The following PCDHA7 variants were observed in gnomAD, a reference collection of about 807,000 sequenced individuals.
The protein encoded by PCDHA7 is protocadherin alpha 7, also known as protocadherin alpha-7.
Under a neutral mutation model 57.2 loss-of-function variants are expected in PCDHA7, and 37 were observed. The ratio of observed to expected loss-of-function variants is 0.65; its 90% CI spans 0.50 to 0.85. The LOEUF is 0.85. Ranked by LOEUF, PCDHA7 falls within the 40% of genes least tolerant of loss-of-function variation. The pLI is 0.00. For synonymous variants in PCDHA7, 553 were observed against 558.8 expected (o/e 0.99, Z 0.15); for missense variants, 1,188 against 1,241.8 (o/e 0.96, Z 0.65).
At chr5:140,869,721 G>A (rs1554163371) in intron 1 of PCDHA7, 2 of 1,613,340 alleles carry the variant, frequency 1.2e-6, no homozygotes, top group Non-Finnish European at 1.7e-6. Flanking sequence ...AGAAAACTCC[G>A]GAACTTAATT....
chr5:140,912,395 T>C (rs782718158), intron 1 of PCDHA7, among the ~76,000 whole-genome samples: 10 of 152,138 alleles, frequency 6.6e-5, no homozygotes, highest in Non-Finnish European at 1.5e-4. Flanking sequence ...CTTAATTTGA[T>C]TCTCAGCTTG....
chr5:140,862,602 C>T (rs2047444114), intron 1 of PCDHA7: 2 of 514,424 alleles, frequency 3.9e-6, no homozygotes, highest in South Asian at 3.0e-5. Flanking sequence ...ACATGGTGTT[C>T]GTGAAAGGTA....
At chr5:140,875,346 T>A in intron 1 of PCDHA7, 1 of 1,443,436 alleles carries the variant, frequency 6.9e-7, no homozygotes, top group Non-Finnish European at 9.1e-7. Flanking sequence ...GACTCCATAA[T>A]GACTGTGATG....
At chr5:140,985,127 C>T (rs986497777) in intron 3 of PCDHA7, among the ~76,000 whole-genome samples, 7 of 152,152 alleles carry the variant, frequency 4.6e-5, no homozygotes, top group Non-Finnish European at 1.0e-4. Flanking sequence ...TTAGTAAAGA[C>T]GGGGTTTCAC....
At chr5:140,974,804 A>G (rs2096641388) in intron 1 of PCDHA7, among the ~76,000 whole-genome samples, 1 of 152,204 alleles carries the variant, frequency 6.6e-6, no homozygotes, top group Non-Finnish European at 1.5e-5. Context: ...TTGATATACT[A>G]GAAGACCAAT....
intron 1 of PCDHA7, among the ~76,000 whole-genome samples, chr5:140,901,034 T>C (rs573919271): frequency 6.6e-6 from 1 of 152,240 alleles, no homozygotes; most frequent in Non-Finnish European, 1.5e-5. Context: ...TCAACTCTTT[T>C]GCCCATTTTA....
intron 1 of PCDHA7, chr5:140,877,392 G>A: frequency 1.2e-6 from 2 of 1,613,970 alleles, no homozygotes; most frequent in Non-Finnish European, 1.7e-6. Flanking sequence ...TGGATGAGGC[G>A]GACGCTCCGC....
chr5:140,882,972 T>C, intron 1 of PCDHA7: 1 of 1,614,190 alleles, frequency 6.2e-7, no homozygotes, highest in Non-Finnish European at 8.5e-7. Context: ...ATTCTGGACG[T>C]GAATGACAAC....
At chr5:140,886,405 GT>G (rs2060969795) in intron 1 of PCDHA7, among the ~76,000 whole-genome samples, 1 of 151,966 alleles carries the variant, frequency 6.6e-6, no homozygotes, top group Admixed American at 6.6e-5. Context: ...TCACAAATAT[GT>G]TTTCCTCCTA....
At chr5:141,006,406 G>A (rs553100919) in intron 3 of PCDHA7, among the ~76,000 whole-genome samples, 1 of 152,050 alleles carries the variant, frequency 6.6e-6, no homozygotes, top group East Asian at 1.9e-4. Context: ...GTAGAGACGC[G>A]GTTTCACTGT....
Position 140,835,485 on chromosome 5 carries a change from G to A in PCDHA7, c.1102G>A (p.Val368Ile), listed in dbSNP as rs371322976. ...TCCAGAGGACGCCCAACCAGGTACCGTCATCACATTGATTAGCGTGTTTGA... is the reference window on the plus strand; with the variant it reads ...TCCAGAGGACGCCCAACCAGGTACCATCATCACATTGATTAGCGTGTTTGA... ...PIPEDAQPGT[V>I]ITLISVFDRD... is the part of the protein sequence containing the mutation. Residue 368 changes from valine (V) to isoleucine (I), a missense_variant, in exon 1 of 4, where the codon GTC becomes ATC. By Grantham distance (29) the Val-to-Ile change is conservative. Transcript: ENST00000525929. 1 of 1,613,896 alleles carries A rather than the reference G, an allele frequency of 6.2e-7. No individual in the cohort carries two copies. Among genetic ancestry groups the A allele is most frequent in the Non-Finnish European group, 8.5e-7 (1 of 1,179,866 alleles).
intron 1 of PCDHA7, chr5:140,877,987 C>T: frequency 3.5e-6 from 4 of 1,151,316 alleles, no homozygotes; most frequent in Non-Finnish European, 4.6e-6. Context: ...TCATTTTGAA[C>T]TTTTATGTAT....
intron 1 of PCDHA7, among the ~76,000 whole-genome samples, chr5:140,964,060 G>A (rs1187796756): frequency 6.6e-6 from 1 of 152,200 alleles, no homozygotes; most frequent in Non-Finnish European, 1.5e-5. Context: ...GTGTGGTCAA[G>A]GCATTAGTGT....
At position 140,934,119 on chromosome 5, in the gene PCDHA7, C is replaced by A. The variant is rs1339301991; in HGVS notation, c.2356-44830C>A. Among the ~76,000 whole-genome samples, 6 of 152,170 alleles carry A rather than the reference C, an allele frequency of 3.9e-5. No individual in the cohort carries two copies. In the East Asian group the frequency reaches 1.2e-3, roughly 29 times the overall value. ...GCTTTCTATTTTATTAATTTTCATA[C>A]TTTATTAATTTATTTCCTTCCTTAT... On this transcript the variant is annotated intron_variant, in intron 1 of 3. Transcript: ENST00000525929.
chr5:140,955,557 C>T (rs1281978824), intron 1 of PCDHA7, among the ~76,000 whole-genome samples: 1 of 152,114 alleles, frequency 6.6e-6, no homozygotes, highest in East Asian at 1.9e-4. Flanking sequence ...GCCTCCCCAG[C>T]CATACTGAAC....
intron 1 of PCDHA7, chr5:140,848,617 A>C (rs2150415016): frequency 6.3e-7 from 1 of 1,593,554 alleles, no homozygotes; most frequent in South Asian, 1.1e-5. Flanking sequence ...GAAGCCGAAC[A>C]CGGCACCTTC....
intron 1 of PCDHA7, chr5:140,854,273 T>C (rs1180521058): frequency 1.8e-6 from 1 of 562,180 alleles, no homozygotes; most frequent in Non-Finnish European, 2.3e-6. Flanking sequence ...TTAGTAGAAA[T>C]TGAGTTTAGT....
At chr5:140,852,881 A>G in intron 1 of PCDHA7, 1 of 940,356 alleles carries the variant, frequency 1.1e-6, no homozygotes, top group Non-Finnish European at 1.3e-6. Flanking sequence ...TAATCATAAA[A>G]CGTATTTTTT....
At chr5:140,952,257 C>T (rs1224282193) in intron 1 of PCDHA7, among the ~76,000 whole-genome samples, 1 of 151,342 alleles carries the variant, frequency 6.6e-6, no homozygotes, top group Non-Finnish European at 1.5e-5. Flanking sequence ...GGTGGATTCC[C>T]ATTCTGGGGT....
Sources: gnomAD v4.1 joint callset for allele counts (sites outside exome capture counted in the v4.1 genomes callset) on GRCh38, gnomAD v4.1.1 for gene constraint, MANE v1.5 for transcripts, NCBI Gene and HGNC (gene_info 2026-07-23, HGNC 2026-07-21) for gene names.